GAS7: variants seen among roughly 807,000 people sequenced by gnomAD.
GAS7 encodes the protein growth arrest specific 7, also known as growth arrest-specific protein 7.
GAS7 carries 28 observed loss-of-function variants against 71.1 expected under a neutral mutation model. The observed-to-expected ratio is 0.39, with a 90% CI of 0.29 to 0.54. The LOEUF is 0.54. Among genes scored for constraint, GAS7 ranks in the 20% least tolerant of loss-of-function variants. The probability of loss-of-function intolerance (pLI) is 0.62; values close to 1 mark genes in which losing one functional copy is unlikely to be tolerated. For synonymous variants in GAS7, 258 were observed against 245.8 expected (o/e 1.05, Z -0.46); for missense variants, 436 against 627.8 (o/e 0.69, Z 3.27).
intron 6 of GAS7, among the ~76,000 whole-genome samples, chr17:9,945,004 A>G (rs1192039482): frequency 2.6e-5 from 4 of 152,036 alleles, no homozygotes; most frequent in Non-Finnish European, 5.9e-5. Flanking sequence ...GTCCCCAGAG[A>G]GCTCGAATTA....
At chr17:9,962,268 G>A (rs1041354649) in intron 4 of GAS7, among the ~76,000 whole-genome samples, 14 of 107,976 alleles carry the variant, frequency 1.3e-4, no homozygotes, top group African/African-American at 6.2e-4. Flanking sequence ...ACACACACAC[G>A]TGACACACAC....
At chr17:10,045,690 C>T (rs1422327406) in intron 1 of GAS7, among the ~76,000 whole-genome samples, 2 of 152,080 alleles carry the variant, frequency 1.3e-5, no homozygotes, top group East Asian at 3.9e-4. Flanking sequence ...GAGTGAGACG[C>T]TATCTCAAAA....
At chr17:10,025,169 G>A (rs537188675) in intron 1 of GAS7, among the ~76,000 whole-genome samples, 9 of 152,278 alleles carry the variant, frequency 5.9e-5, no homozygotes, top group African/African-American at 1.9e-4. Context: ...TTGGGAGGCC[G>A]AGGCAGGAGG....
intron 2 of GAS7, among the ~76,000 whole-genome samples, chr17:10,012,376 C>G (rs2071808736): frequency 6.6e-6 from 1 of 152,138 alleles, no homozygotes; most frequent in Non-Finnish European, 1.5e-5. Flanking sequence ...CAACCTCTGC[C>G]TCCTGGGCTC....
chr17:10,091,368 T>C (rs1250635711), intron 1 of GAS7, among the ~76,000 whole-genome samples: 1 of 152,072 alleles, frequency 6.6e-6, no homozygotes, highest in Non-Finnish European at 1.5e-5. Flanking sequence ...AACTGTTTAC[T>C]TTAGAGTGGT....
intron 1 of GAS7, among the ~76,000 whole-genome samples, chr17:10,115,532 C>T (rs922045976): frequency 2.6e-5 from 4 of 152,194 alleles, no homozygotes; most frequent in Admixed American, 6.5e-5. Context: ...GGGAAGCACA[C>T]CTCAGCACAG....
Position 10,187,912 on chromosome 17 carries a change from A to G in GAS7, c.183+10296T>C, listed in dbSNP as rs547601300. Among the ~76,000 whole-genome samples, 25 of 152,350 alleles carry G rather than the reference A, an allele frequency of 1.6e-4. No individual in the cohort carries two copies. In the South Asian group the frequency reaches 5.2e-3, roughly 32 times the overall value. ...CATCTCTTTTTGCCTCACTGTGAGG[A>G]GAAATGTGAACTATGCTAGCTCCAC... On this transcript the variant is annotated intron_variant, in intron 1 of 13. Transcript: ENST00000432992.
At chr17:10,051,117 C>T (rs1296030353) in intron 1 of GAS7, among the ~76,000 whole-genome samples, 1 of 152,216 alleles carries the variant, frequency 6.6e-6, no homozygotes, top group African/African-American at 2.4e-5. Context: ...CCTCTACAAA[C>T]CTCATCTTTT....
intron 1 of GAS7, among the ~76,000 whole-genome samples, chr17:10,073,183 A>G (rs1291534262): frequency 6.6e-6 from 1 of 152,140 alleles, no homozygotes; most frequent in East Asian, 1.9e-4. Context: ...GCTTCCCAGG[A>G]CTCGACGTGT....
intron 1 of GAS7, among the ~76,000 whole-genome samples, chr17:10,071,172 A>G (rs1056550739): frequency 6.6e-6 from 1 of 151,838 alleles, no homozygotes; most frequent in African/African-American, 2.4e-5. Context: ...CCAAGCAGAG[A>G]GAGCCAGTGA....
chr17:9,998,512 C>T (rs1224828414), intron 2 of GAS7, among the ~76,000 whole-genome samples: 2 of 152,072 alleles, frequency 1.3e-5, no homozygotes, highest in Non-Finnish European at 2.9e-5. Context: ...AGATCGCGCC[C>T]GTGATCCTAG....
intron 10 of GAS7, 94 bp from the exon 11 acceptor site, chr17:9,925,693 GC>G: frequency 7.1e-7 from 1 of 1,404,254 alleles, no homozygotes. Context: ...GAGTCCTTTC[GC>G]CCCTTGTTTG....
intron 1 of GAS7, among the ~76,000 whole-genome samples, chr17:10,110,994 G>A (rs542306905): frequency 7.2e-5 from 11 of 152,176 alleles, no homozygotes; most frequent in African/African-American, 1.9e-4. Context: ...AAAACATTAC[G>A]CGTCGATTAA....
chr17:9,988,478 C>A (rs1356381309), intron 2 of GAS7, among the ~76,000 whole-genome samples: 1 of 152,214 alleles, frequency 6.6e-6, no homozygotes, highest in East Asian at 1.9e-4. Context: ...TTCACAGAGA[C>A]CTGGTTCCCT....
At chr17:9,957,690 C>T (rs973140170) in intron 5 of GAS7, among the ~76,000 whole-genome samples, 3 of 151,422 alleles carry the variant, frequency 2.0e-5, no homozygotes, top group Non-Finnish European at 2.9e-5. Flanking sequence ...GGGACTGTAC[C>T]CTCTGGAACT....
intron 1 of GAS7, among the ~76,000 whole-genome samples, chr17:10,134,092 G>A (rs1488605163): frequency 4.6e-5 from 7 of 151,540 alleles, no homozygotes; most frequent in Non-Finnish European, 7.4e-5. Context: ...GTCCAGTGGC[G>A]CGATCTCCGC....
In GAS7 at chr17:9,951,760, C is replaced by CAAAAAAAA. The variant is rs59048492; in HGVS notation, c.526-4785_526-4778dup. On this transcript the variant is annotated intron_variant, in intron 5 of 13. Coordinates refer to ENST00000432992, the MANE Select transcript of GAS7 (RefSeq NM_201433.2). Reference sequence around the variant, plus strand: ...GGGCAACAAGAGCAAAACTCTGTCTCAAAAAAAAAAAAAAAAAAAAAAAAA... The same window carrying CAAAAAAAA: ...GGGCAACAAGAGCAAAACTCTGTCTCAAAAAAAAAAAAAAAAAAAAAAAAAAAAAAAAA... Among the ~76,000 whole-genome samples, 43 of 69,012 alleles carry CAAAAAAAA rather than the reference C, an allele frequency of 6.2e-4. 3 individuals carry two copies. Among genetic ancestry groups the CAAAAAAAA allele is most frequent in the African/African-American group, 8.3e-4 (18 of 21,658 alleles). The allele number at this position is 69,012 out of a possible 152,430, so 45.3% of individuals were successfully genotyped here. A position where few individuals can be genotyped will look rare whatever the true frequency, so the allele number is the denominator to read the frequency against.
chr17:10,155,901 T>C (rs934410227), intron 1 of GAS7, among the ~76,000 whole-genome samples: 1 of 152,190 alleles, frequency 6.6e-6, no homozygotes, highest in Non-Finnish European at 1.5e-5. Context: ...TAGTAAGTAG[T>C]ACAGCTGGCA....
At chr17:9,944,870 C>T (rs2068733727) in intron 6 of GAS7, among the ~76,000 whole-genome samples, 1 of 152,228 alleles carries the variant, frequency 6.6e-6, no homozygotes, top group Non-Finnish European at 1.5e-5. Flanking sequence ...CTGAGCTATG[C>T]ACTCTGGGGA....
Sources: allele counts gnomAD v4.1 joint callset (sites outside exome capture counted in the v4.1 genomes callset), GRCh38; gene constraint gnomAD v4.1.1; transcripts MANE v1.5; gene names NCBI Gene and HGNC (gene_info 2026-07-23, HGNC 2026-07-21).